The following IPO5 variants were observed in gnomAD, a reference collection of about 807,000 sequenced individuals.
IPO5 encodes importin-5.
IPO5 carries 18 observed loss-of-function variants against 143.3 expected under a neutral mutation model. The observed-to-expected ratio is 0.13, with a 90% confidence interval of 0.09 to 0.19. IPO5 has a LOEUF of 0.19. Among genes scored for constraint, IPO5 ranks in the 10% least tolerant of loss-of-function variants. The pLI, the probability that IPO5 is intolerant of heterozygous loss-of-function variation, is 1.00. For missense variants in IPO5, 1,013 were observed against 1,336.9 expected (o/e 0.76, Z 3.78); for synonymous variants, 477 against 465.7 (o/e 1.02, Z -0.31).
chr13:97,974,082 T>C (rs1442421847), intron 3 of IPO5, among the ~76,000 whole-genome samples: 1 of 152,000 alleles, frequency 6.6e-6, no homozygotes, highest in African/African-American at 2.4e-5. Flanking sequence ...ATAATAACAA[T>C]AATAATAATA....
chr13:97,969,953 C>A lies in IPO5; in HGVS notation c.-5+123C>A, dbSNP rs1345077211. 4.4e-5 allele frequency: 31 copies of A among 702,228 alleles called. No homozygotes were observed. The South Asian group carries it at 5.5e-4, about 12-fold the overall frequency. The allele number at this position is 702,228 out of a possible 1,614,324, so 43.5% of individuals were successfully genotyped here. A position where few individuals can be genotyped will look rare whatever the true frequency, so the allele number is the denominator to read the frequency against. ...GTCTCAGGCAATCCTCCCACCTCAG[C>A]CTCCCAAAGTGCTGGGATTACAGGC... On this transcript the variant is annotated intron_variant, in intron 3 of 28. Transcript: ENST00000651721.
intron 2 of IPO5, among the ~76,000 whole-genome samples, chr13:97,962,915 G>A (rs1885008502): frequency 3.3e-5 from 5 of 152,172 alleles, no homozygotes; most frequent in Admixed American, 2.0e-4. Flanking sequence ...AGGCTAGCAG[G>A]CTGGAAATTC....
rs1402486461 is a variant in IPO5 at position 97,959,658 on chromosome 13, C to G, written c.-113+5460C>G. On this transcript the variant is annotated intron_variant, in intron 2 of 28. Transcript: ENST00000651721. ...CTGAGCCAGGAGAATTGCTTGAACCCGGGAGGCGTAGGTTGCAGTGAGCCT... is the reference window on the plus strand; with the variant it reads ...CTGAGCCAGGAGAATTGCTTGAACCGGGGAGGCGTAGGTTGCAGTGAGCCT... Among the ~76,000 whole-genome samples the G allele has an allele frequency of 3.3e-5, 5 of 151,802 alleles. No homozygotes were observed. The East Asian group carries it at 9.7e-4, about 30-fold the overall frequency.
At chr13:98,006,744 T>G (rs938666603) in intron 17 of IPO5, among the ~76,000 whole-genome samples, 5 of 152,106 alleles carry the variant, frequency 3.3e-5, no homozygotes, top group African/African-American at 1.2e-4. Flanking sequence ...CTAGAGGGAT[T>G]TTTTCCTTCT....
Position 98,021,900 on chromosome 13 carries a change from T to A in IPO5, c.*78T>A. 9.4e-7 allele frequency: 1 copy of A among 1,063,626 alleles called. No homozygotes were observed. The highest frequency in any genetic ancestry group is 1.4e-6 in the Non-Finnish European group (1 of 712,666). 65.9% of individuals were successfully genotyped at this position (1,063,626 alleles called of 1,614,324 possible). On this transcript the variant is annotated 3_prime_UTR_variant, in exon 29 of 29. Coordinates refer to ENST00000651721, the MANE Select transcript of IPO5 (RefSeq NM_002271.6). ...TTCCTTTAGGTTTCTTTGTTTTGTT[T>A]TTGAGCAAAAGAGATCGGTAGTGTT...
At chr13:97,959,019 A>C (rs1360497350) in intron 2 of IPO5, among the ~76,000 whole-genome samples, 5 of 151,982 alleles carry the variant, frequency 3.3e-5, no homozygotes, top group African/African-American at 1.2e-4. Flanking sequence ...TAAAAATACA[A>C]AAATTAGCCA....
intron 5 of IPO5, 101 bp from the exon 6 acceptor site, chr13:97,985,320 C>T (rs1566493607): frequency 3.4e-6 from 3 of 882,378 alleles, no homozygotes; most frequent in Non-Finnish European, 5.3e-6. Flanking sequence ...TATATATTTA[C>T]TTCTTTAGAA....
At chr13:97,959,760 G>A (rs1884722857) in intron 2 of IPO5, among the ~76,000 whole-genome samples, 1 of 151,820 alleles carries the variant, frequency 6.6e-6, no homozygotes, top group South Asian at 2.1e-4. Flanking sequence ...GTGTCCCTAG[G>A]GTATGACCCC....
At chr13:97,993,777 G>GCCTAGCCA (rs1339419320) in intron 11 of IPO5, among the ~76,000 whole-genome samples, 1 of 152,090 alleles carries the variant, frequency 6.6e-6, no homozygotes. Context: ...TCATTTTCTG[G>GCCTAGCCA]CCTAGCCATT....
At chr13:97,982,294 AG>A (rs1886915367) in intron 4 of IPO5, among the ~76,000 whole-genome samples, 1 of 152,258 alleles carries the variant, frequency 6.6e-6, no homozygotes, top group Admixed American at 6.5e-5. Flanking sequence ...TTTGTTTAAG[AG>A]ATATATGTAG....
intron 3 of IPO5, among the ~76,000 whole-genome samples, chr13:97,976,160 C>T (rs1308201195): frequency 6.6e-6 from 1 of 151,878 alleles, no homozygotes; most frequent in African/African-American, 2.4e-5. Flanking sequence ...CCGAAATCTC[C>T]CGCGCTCAGC....
chr13:98,006,866 G>GTTT (rs869302123), intron 17 of IPO5, among the ~76,000 whole-genome samples: 10 of 125,062 alleles, frequency 8.0e-5, no homozygotes, highest in East Asian at 2.3e-4. Context: ...TTGGTTTGGT[G>GTTT]TTTTTTTTTT....
intron 2 of IPO5, among the ~76,000 whole-genome samples, chr13:97,964,121 A>C (rs529658356): frequency 1.2e-4 from 18 of 152,168 alleles, no homozygotes; most frequent in Admixed American, 1.2e-3. Context: ...AGATTGCAAA[A>C]ATTTTCTCCC....
At chr13:98,005,123 C>G (rs1206733652) in intron 16 of IPO5, among the ~76,000 whole-genome samples, 1 of 151,196 alleles carries the variant, frequency 6.6e-6, no homozygotes, top group East Asian at 1.9e-4. Context: ...TCTTGAACAC[C>G]TGACCTCAAG....
chr13:97,973,183 C>T lies in IPO5; in HGVS notation c.-5+3353C>T, dbSNP rs551858985. Among the ~76,000 whole-genome samples, 20 of 151,782 alleles carry T rather than the reference C, an allele frequency of 1.3e-4. 2 individuals carry two copies. In the South Asian group the frequency reaches 3.7e-3, roughly 28 times the overall value. On this transcript the variant is annotated intron_variant, in intron 3 of 28. Coordinates refer to ENST00000651721, the MANE Select transcript of IPO5 (RefSeq NM_002271.6). ...TCAGCCTCCAGAGTAGCTGGGATTA[C>T]AGGCATGCGCCACCATACCCAGCTG...
Position 98,019,807 on chromosome 13 carries a change from A to C in IPO5, c.3063A>C (p.Glu1021Asp). 6.3e-7 allele frequency: 1 copy of C among 1,597,280 alleles called. No individual in the cohort carries two copies. The highest frequency in any genetic ancestry group is 8.6e-7 in the Non-Finnish European group (1 of 1,164,914). The change falls in exon 27 of 29, where the codon GAA (glutamate) becomes GAC (aspartate). Residue 1021 changes from glutamate (E) to aspartate (D), a missense_variant and splice_region_variant. By Grantham distance (45) the Glu-to-Asp change is conservative. Around this residue, in one of 2 missense-constraint regions of IPO5, gnomAD observed 685 missense variants for 994.9 expected, o/e 0.69. Coordinates refer to ENST00000651721, the MANE Select transcript of IPO5 (RefSeq NM_002271.6). ...TCAATTATCTGTGTGACCTGATTGAAAGGTAGGAAAGCAGACTGTGACCTT... is the reference window on the plus strand; with the variant it reads ...TCAATTATCTGTGTGACCTGATTGACAGGTAGGAAAGCAGACTGTGACCTT... ...QTFNYLCDLIESNHPIVLGPN... is the reference protein window; with the variant it reads ...QTFNYLCDLIDSNHPIVLGPN...
chr13:97,978,034 T>C (rs1279288525), intron 4 of IPO5, among the ~76,000 whole-genome samples: 1 of 152,204 alleles, frequency 6.6e-6, no homozygotes, highest in Non-Finnish European at 1.5e-5. Flanking sequence ...CTTAGGGGTT[T>C]TATATTAAGT....
At position 98,019,567 on chromosome 13, in the gene IPO5, A is replaced by G; in HGVS notation, c.2837-14A>G. 2 of 1,583,868 alleles carry G rather than the reference A, an allele frequency of 1.3e-6. No individual in the cohort carries two copies. The highest frequency in any genetic ancestry group is 1.7e-6 in the Non-Finnish European group (2 of 1,154,582). ...TGAGGTTTTAGCTGAACTTCTTTCA[A>G]ATGCTTATTTTAGAAGCACTTCCCC... On this transcript the variant is annotated splice_polypyrimidine_tract_variant and intron_variant, in intron 26 of 28. Transcript: ENST00000651721.
At chr13:97,954,859 G>T (rs1484533268) in intron 2 of IPO5, among the ~76,000 whole-genome samples, 1 of 152,154 alleles carries the variant, frequency 6.6e-6, no homozygotes, top group African/African-American at 2.4e-5. Context: ...TAGTATGCGA[G>T]ACAGATTTGT....
Sources: allele counts gnomAD v4.1 joint callset (sites outside exome capture counted in the v4.1 genomes callset), GRCh38; gene constraint gnomAD v4.1.1; regional missense constraint gnomAD v4.1.1; transcripts MANE v1.5; gene names NCBI Gene and HGNC (gene_info 2026-07-23, HGNC 2026-07-21).